SAMD4A: variants seen among roughly 807,000 people sequenced by gnomAD.
SAMD4A encodes sterile alpha motif domain containing 4A.
Under a neutral mutation model 81.3 loss-of-function variants are expected in SAMD4A, and 33 were observed. The ratio of observed to expected loss-of-function variants is 0.41; its 90% CI spans 0.31 to 0.54. The LOEUF is 0.54. Ranked by LOEUF, SAMD4A falls within the 20% of genes least tolerant of loss-of-function variation. The pLI is 0.37. For missense variants in SAMD4A, 854 were observed against 951.1 expected, an observed-to-expected ratio of 0.90 and a Z score of 1.34; for synonymous variants, 389 against 382.1, an observed-to-expected ratio of 1.02 and a Z score of -0.21.
chr14:54,656,404 C>T (rs1428409932), intron 2 of SAMD4A, among the ~76,000 whole-genome samples: 2 of 152,318 alleles, frequency 1.3e-5, no homozygotes, highest in Admixed American at 1.3e-4. Context: ...GGACCCATGT[C>T]AGCTTCTCTT....
intron 2 of SAMD4A, among the ~76,000 whole-genome samples, chr14:54,695,964 A>AG: frequency 6.6e-6 from 1 of 150,960 alleles, no homozygotes; most frequent in Middle Eastern, 3.5e-3. Flanking sequence ...AAAAAAAAAA[A>AG]AAAAAAAAAG....
intron 2 of SAMD4A, among the ~76,000 whole-genome samples, chr14:54,673,170 C>T (rs1329491528): frequency 6.6e-6 from 1 of 152,188 alleles, no homozygotes; most frequent in East Asian, 1.9e-4. Flanking sequence ...TATTCTTTAT[C>T]CATCATATCC....
At chr14:54,668,507 C>T (rs755687259) in intron 2 of SAMD4A, among the ~76,000 whole-genome samples, 1 of 152,176 alleles carries the variant, frequency 6.6e-6, no homozygotes. Context: ...TTGGGACCAG[C>T]GTCCAGTTTC....
intron 2 of SAMD4A, among the ~76,000 whole-genome samples, chr14:54,659,206 T>A (rs1463164802): frequency 6.6e-6 from 1 of 152,236 alleles, no homozygotes; most frequent in Non-Finnish European, 1.5e-5. Flanking sequence ...TAACATTTGT[T>A]GAAGACACTA....
intron 11 of SAMD4A, among the ~76,000 whole-genome samples, chr14:54,783,639 G>A (rs1566639209): frequency 6.6e-6 from 1 of 152,242 alleles, no homozygotes; most frequent in Non-Finnish European, 1.5e-5. Context: ...CAGTTGCTGT[G>A]GCAGGTGGCT....
chr14:54,723,830 T>C (rs76930626), intron 3 of SAMD4A, among the ~76,000 whole-genome samples: 3,773 of 152,312 alleles, frequency 0.025, 156 homozygotes, highest in African/African-American at 0.087. Flanking sequence ...GTTCATTACA[T>C]GAGTGAATAA....
Position 54,770,061 on chromosome 14 carries a change from C to T in SAMD4A, c.1597-43C>T, listed in dbSNP as rs750081806. 16 of 1,272,426 alleles carry T rather than the reference C, an allele frequency of 1.3e-5. No homozygotes were observed. The South Asian group carries it at 1.8e-4, about 14-fold the overall frequency. The allele number at this position is 1,272,426 out of a possible 1,614,324, so 78.8% of individuals were successfully genotyped here. A position where few individuals can be genotyped will look rare whatever the true frequency, so the allele number is the denominator to read the frequency against. On this transcript the variant is annotated intron_variant, in intron 8 of 12. Transcript: ENST00000554335. Reference sequence around the variant, plus strand: ...TAATTGCATGTTTCTCCCTCTAATGCCAGGCTGCGTCACCCATTTAAAAGT... The same window carrying T: ...TAATTGCATGTTTCTCCCTCTAATGTCAGGCTGCGTCACCCATTTAAAAGT...
chr14:54,573,386 G>T (rs1251795098), intron 2 of SAMD4A, among the ~76,000 whole-genome samples: 1 of 152,170 alleles, frequency 6.6e-6, no homozygotes, highest in East Asian at 1.9e-4. Flanking sequence ...CAAGATGAGG[G>T]TTGAAGGGCT....
chr14:54,787,596 G>C (rs2039173385), intron 12 of SAMD4A, among the ~76,000 whole-genome samples: 1 of 152,216 alleles, frequency 6.6e-6, no homozygotes, highest in Non-Finnish European at 1.5e-5. Context: ...TTGGGGCTTG[G>C]ACTGGGACAT....
chr14:54,781,459 A>T (rs1485020041), intron 11 of SAMD4A, among the ~76,000 whole-genome samples: 2 of 152,216 alleles, frequency 1.3e-5, no homozygotes, highest in Non-Finnish European at 2.9e-5. Flanking sequence ...GAAAAGATAC[A>T]ATTAATGTCT....
At chr14:54,629,185 T>C (rs977430009) in intron 2 of SAMD4A, among the ~76,000 whole-genome samples, 3 of 151,884 alleles carry the variant, frequency 2.0e-5, no homozygotes, top group Admixed American at 2.0e-4. Context: ...GAGATTAGAG[T>C]GAGGCAGCTG....
chr14:54,773,821 C>T (rs1327595714), intron 9 of SAMD4A, among the ~76,000 whole-genome samples: 2 of 152,260 alleles, frequency 1.3e-5, no homozygotes, highest in African/African-American at 4.8e-5. Flanking sequence ...ATGGCAGAGA[C>T]TCATTGGTTC....
intron 2 of SAMD4A, among the ~76,000 whole-genome samples, chr14:54,616,441 G>A (rs1044495605): frequency 6.6e-6 from 1 of 152,184 alleles, no homozygotes; most frequent in Non-Finnish European, 1.5e-5. Flanking sequence ...TATTCTGCCA[G>A]TGAGGACTTC....
intron 4 of SAMD4A, among the ~76,000 whole-genome samples, chr14:54,742,523 G>A (rs8003280): frequency 0.085 from 12,867 of 152,228 alleles, 830 homozygotes; most frequent in African/African-American, 0.18. Context: ...CTGAAGCCAA[G>A]TTCATCTGAG....
chr14:54,627,071 C>T (rs1346762619), intron 2 of SAMD4A, among the ~76,000 whole-genome samples: 2 of 152,148 alleles, frequency 1.3e-5, no homozygotes, highest in Non-Finnish European at 2.9e-5. Flanking sequence ...ATTGCTATTT[C>T]CTTAAAAATT....
At chr14:54,772,296 T>C (rs896818408) in intron 9 of SAMD4A, among the ~76,000 whole-genome samples, 2 of 152,238 alleles carry the variant, frequency 1.3e-5, no homozygotes, top group African/African-American at 4.8e-5. Flanking sequence ...GAAAACTTGC[T>C]TTTGTCACTT....
At chr14:54,642,489 C>G (rs2035197248) in intron 2 of SAMD4A, among the ~76,000 whole-genome samples, 1 of 152,222 alleles carries the variant, frequency 6.6e-6, no homozygotes. Context: ...TCATCCTTCC[C>G]TGTAACTTCT....
intron 2 of SAMD4A, among the ~76,000 whole-genome samples, chr14:54,581,245 A>T (rs2033456292): frequency 6.6e-6 from 1 of 152,278 alleles, no homozygotes; most frequent in African/African-American, 2.4e-5. Flanking sequence ...GCAGAGCGAC[A>T]TTATTCTCAA....
chr14:54,733,829 G>GAA (rs11463836), intron 3 of SAMD4A, among the ~76,000 whole-genome samples: 66 of 146,028 alleles, frequency 4.5e-4, no homozygotes, highest in Middle Eastern at 3.6e-3. Flanking sequence ...CTACTCATAG[G>GAA]AAAAAAAAAA....
Sources: allele counts gnomAD v4.1 joint callset (sites outside exome capture counted in the v4.1 genomes callset), GRCh38; gene constraint gnomAD v4.1.1; transcripts MANE v1.5; gene names NCBI Gene and HGNC (gene_info 2026-07-23, HGNC 2026-07-21).